The following PARP15 variants were observed in gnomAD, a reference collection of about 807,000 sequenced individuals.
PARP15 encodes poly(ADP-ribose) polymerase family member 15.
A neutral mutation model predicts 62.1 loss-of-function variants in PARP15; 50 were observed. The observed-to-expected ratio is 0.81, with a 90% CI of 0.64 to 1.02. PARP15 has a LOEUF of 1.02. PARP15 is among the 50% of genes least tolerant of loss of function. PARP15 has a pLI of 0.00. For synonymous variants in PARP15, 309 were observed against 293.1 expected (o/e 1.05, Z -0.55); for missense variants, 820 against 826.5 (o/e 0.99, Z 0.10).
intron 1 of PARP15, among the ~76,000 whole-genome samples, chr3:122,598,515 A>AT (rs35277362): frequency 0.084 from 12,818 of 152,204 alleles, 545 homozygotes; most frequent in Non-Finnish European, 0.1. Flanking sequence ...GCTGTTCATA[A>AT]ATGGCAGCTG....
intron 1 of PARP15, among the ~76,000 whole-genome samples, chr3:122,585,150 A>G (rs1272144773): frequency 6.6e-6 from 1 of 152,188 alleles, no homozygotes; most frequent in African/African-American, 2.4e-5. Context: ...AAAGCCAAAT[A>G]CTAAAGTACC....
rs1196014005 is a variant in PARP15 at position 122,577,864 on chromosome 3, C to G, written c.186+11C>G. On this transcript the variant is annotated intron_variant, in intron 1 of 11. Coordinates refer to ENST00000464300, the MANE Select transcript of PARP15 (RefSeq NM_001113523.3). ...TCCTCCCGGAGTATGGTGAGGAGCG[C>G]GGGGGACGGGTGCGGGAAGGGGACA... 6.5e-7 allele frequency: 1 copy of G among 1,535,984 alleles called. No homozygotes were observed. Among genetic ancestry groups the G allele is most frequent in the Non-Finnish European group, 8.8e-7 (1 of 1,138,144 alleles).
At chr3:122,604,278 C>T (rs774131265) in intron 1 of PARP15, among the ~76,000 whole-genome samples, 3 of 152,082 alleles carry the variant, frequency 2.0e-5, no homozygotes, top group Non-Finnish European at 4.4e-5. Flanking sequence ...TCTGTCATGA[C>T]CCTTTAAATT....
intron 8 of PARP15, among the ~76,000 whole-genome samples, chr3:122,626,018 A>T (rs1456429400): frequency 6.6e-6 from 1 of 152,178 alleles, no homozygotes; most frequent in Non-Finnish European, 1.5e-5. Context: ...GTTAGAAAGG[A>T]CTTAATGGAT....
chr3:122,582,115 AGTTCTTT>A (rs968180725), intron 1 of PARP15, among the ~76,000 whole-genome samples: 11 of 152,118 alleles, frequency 7.2e-5, no homozygotes, highest in East Asian at 3.9e-4. Context: ...ACTGGTGATG[AGTTCTTT>A]CAGCTTTTGC....
chr3:122,611,777 C>G (rs188187785), intron 3 of PARP15, among the ~76,000 whole-genome samples: 4,276 of 151,162 alleles, frequency 0.028, 211 homozygotes, highest in African/African-American at 0.097. Flanking sequence ...TGCAATGGCA[C>G]AATCTTGGCT....
intron 7 of PARP15, among the ~76,000 whole-genome samples, chr3:122,620,521 C>A (rs1936271451): frequency 6.6e-6 from 1 of 152,192 alleles, no homozygotes; most frequent in African/African-American, 2.4e-5. Context: ...CCTGAAACTC[C>A]TATCTTAGTA....
chr3:122,604,107 T>C (rs1023062172), intron 1 of PARP15, among the ~76,000 whole-genome samples: 4 of 152,202 alleles, frequency 2.6e-5, no homozygotes, highest in Non-Finnish European at 4.4e-5. Context: ...ATGAGGTAGA[T>C]AAGCTCAGAT....
intron 3 of PARP15, among the ~76,000 whole-genome samples, chr3:122,612,217 G>A (rs1935619427): frequency 6.6e-6 from 1 of 150,880 alleles, no homozygotes; most frequent in Admixed American, 6.6e-5. Flanking sequence ...CACCATCCCT[G>A]GCTAATTTTT....
intron 8 of PARP15, among the ~76,000 whole-genome samples, chr3:122,626,580 C>A (rs762401273): frequency 6.6e-6 from 1 of 152,020 alleles, no homozygotes; most frequent in Admixed American, 6.6e-5. Flanking sequence ...TTTTTGTCTG[C>A]GATAAGACAC....
intron 9 of PARP15, 64 bp downstream of exon 9, chr3:122,627,097 G>A: frequency 7.5e-6 from 10 of 1,328,668 alleles, no homozygotes; most frequent in Non-Finnish European, 1.1e-5. Context: ...AAATGTTTAA[G>A]TGTGAATGTA....
intron 1 of PARP15, among the ~76,000 whole-genome samples, chr3:122,596,151 G>C (rs1212714599): frequency 6.6e-6 from 1 of 151,960 alleles, no homozygotes; most frequent in Non-Finnish European, 1.5e-5. Flanking sequence ...AAGATCAGGA[G>C]ATCAAGACCA....
intron 1 of PARP15, among the ~76,000 whole-genome samples, chr3:122,593,546 A>G (rs150810833): frequency 6.6e-6 from 1 of 152,342 alleles, no homozygotes; most frequent in African/African-American, 2.4e-5. Context: ...TGCAAAAATA[A>G]TCCTATTAAT....
At chr3:122,580,011 A>ATG (rs2080769366) in intron 1 of PARP15, among the ~76,000 whole-genome samples, 3 of 115,536 alleles carry the variant, frequency 2.6e-5, no homozygotes, top group Admixed American at 9.2e-5. Context: ...ATATATATAT[A>ATG]TATATATATA....
chr3:122,590,807 C>A lies in PARP15; in HGVS notation c.186+12954C>A, dbSNP rs541294333. 2.0e-5 allele frequency among the ~76,000 whole-genome samples: 3 copies of A among 152,316 alleles called. No individual in the cohort carries two copies. In the East Asian group the frequency reaches 5.8e-4, roughly 29 times the overall value. On this transcript the variant is annotated intron_variant, in intron 1 of 11. Coordinates refer to ENST00000464300, the MANE Select transcript of PARP15 (RefSeq NM_001113523.3). The stretch of plus-strand genomic sequence containing the variant: ...CCCCTTCCTTTGTGATAAAAGTCTA[C>A]TTAAACCCAGTCTTCTTTCTGAATA...
intron 1 of PARP15, among the ~76,000 whole-genome samples, chr3:122,579,622 A>G (rs909227965): frequency 2.6e-5 from 4 of 152,096 alleles, no homozygotes; most frequent in South Asian, 2.1e-4. Context: ...ACTGCTTTCT[A>G]TTAATAGTTA....
At chr3:122,589,613 T>C (rs74826422) in intron 1 of PARP15, among the ~76,000 whole-genome samples, 3,133 of 152,308 alleles carry the variant, frequency 0.021, 106 homozygotes, top group African/African-American at 0.068. Flanking sequence ...TGATTTCCAC[T>C]TTCTTAATGG....
At chr3:122,631,047 C>G (rs111301119) in intron 9 of PARP15, among the ~76,000 whole-genome samples, 2 of 152,196 alleles carry the variant, frequency 1.3e-5, no homozygotes, top group African/African-American at 4.8e-5. Context: ...AGAAGGCCCC[C>G]AAAAAACCTT....
chr3:122,599,896 T>A (rs1298215471), intron 1 of PARP15, among the ~76,000 whole-genome samples: 2 of 152,220 alleles, frequency 1.3e-5, no homozygotes, highest in East Asian at 3.8e-4. Context: ...TCAGAAAGTA[T>A]CTATCTCACA....
Sources: allele counts gnomAD v4.1 joint callset (sites outside exome capture counted in the v4.1 genomes callset), GRCh38; gene constraint gnomAD v4.1.1; transcripts MANE v1.5; gene names NCBI Gene and HGNC (gene_info 2026-07-23, HGNC 2026-07-21).